The following ZNF519 variants were observed in gnomAD, a reference collection of about 807,000 sequenced individuals.
The protein encoded by ZNF519 is similar to Zinc finger protein 85 (Zinc finger protein HPF4) (HTF1).
A neutral mutation model predicts 7.4 loss-of-function variants in ZNF519; 7 were observed. The observed-to-expected ratio is 0.94, with a 90% confidence interval of 0.54 to 1.77. The LOEUF (loss-of-function observed/expected upper bound fraction) is 1.77. ZNF519 is among the 40% of genes most tolerant of loss of function. The probability of loss-of-function intolerance (pLI) is 0.00; values close to 1 mark genes in which losing one functional copy is unlikely to be tolerated. For missense variants in ZNF519, 586 were observed against 623.1 expected, an observed-to-expected ratio of 0.94 and a Z score of 0.63; for synonymous variants, 179 against 203.3, an observed-to-expected ratio of 0.88 and a Z score of 1.02.
chr18:14,085,882 C>T (rs1291283460), intron 2 of ZNF519, among the ~76,000 whole-genome samples: 2 of 152,212 alleles, frequency 1.3e-5, no homozygotes, highest in Non-Finnish European at 2.9e-5. Context: ...CATGTTCTGA[C>T]CTGCACCACC....
At chr18:14,073,917 C>T (rs191190111), downstream of ZNF519, 5 of 152,304 alleles carry the variant, frequency 3.3e-5, no homozygotes, top group Admixed American at 3.3e-4. Flanking sequence ...AGCTGTATTT[C>T]ACTCCCTCGA....
chr18:14,094,371 TTA>T (rs1363626946), intron 2 of ZNF519, among the ~76,000 whole-genome samples: 7 of 152,242 alleles, frequency 4.6e-5, no homozygotes, highest in African/African-American at 1.7e-4. Flanking sequence ...TCCAGATCTT[TTA>T]TAAAACCGGC....
chr18:14,087,961 G>A (rs1174556585), intron 2 of ZNF519, among the ~76,000 whole-genome samples: 9 of 152,048 alleles, frequency 5.9e-5, no homozygotes, highest in African/African-American at 1.9e-4. Flanking sequence ...AATTCTGTCT[G>A]GAAAACAAGG....
chr18:14,110,227 T>C (rs1208483226), intron 2 of ZNF519, among the ~76,000 whole-genome samples: 1 of 152,120 alleles, frequency 6.6e-6, no homozygotes, highest in Non-Finnish European at 1.5e-5. Context: ...ATCTAAGGCC[T>C]GAAAGCATAC....
intron 2 of ZNF519, among the ~76,000 whole-genome samples, chr18:14,115,173 C>T (rs959941359): frequency 2.6e-5 from 4 of 152,146 alleles, no homozygotes; most frequent in Non-Finnish European, 5.9e-5. Flanking sequence ...ATTACATGTG[C>T]CCAGCACAGC....
In ZNF519 at chr18:14,109,112, C is replaced by T. The variant is rs922413028; in HGVS notation, c.131-2703G>A. Among the ~76,000 whole-genome samples the T allele has an allele frequency of 1.3e-4, 19 of 148,220 alleles. No homozygotes were observed. The Middle Eastern group carries it at 0.01, about 80-fold the overall frequency. ...ACAAGAGCGAAACTCAGAGAAACTC[C>T]GTCTCAAAAAAAAAAAAAAAAAATA... On this transcript the variant is annotated intron_variant, in intron 2 of 2. Coordinates refer to ENST00000590202, the MANE Select transcript of ZNF519 (RefSeq NM_145287.4).
chr18:14,098,348 C>T (rs990039497), downstream of ZNF519, among the ~76,000 whole-genome samples: 3 of 151,916 alleles, frequency 2.0e-5, no homozygotes, highest in Non-Finnish European at 1.5e-5. Context: ...TTAGTAGAGA[C>T]GGGGTTTCAC....
At chr18:14,078,678 C>T (rs979456304) in intron 3 of ZNF519, among the ~76,000 whole-genome samples, 1 of 151,960 alleles carries the variant, frequency 6.6e-6, no homozygotes, top group African/African-American at 2.4e-5. Context: ...TATTAGAAAC[C>T]ATTGTGTTAG....
rs560740504 is a variant in ZNF519, at chr18:14,124,174, A to G, written c.130+176T>C. ...GGTAACAAGAGCGAAACTCTGTCTC[A>G]ATTAAAAAAAAAAAAAAAAGATTTT... On this transcript the variant is annotated intron_variant, in intron 2 of 2. Transcript: ENST00000590202. The G allele has an allele frequency of 2.7e-5, 14 of 527,752 alleles. No homozygotes were observed. The East Asian group carries it at 7.0e-4, about 26-fold the overall frequency. 32.7% of individuals were successfully genotyped at this position (527,752 alleles called of 1,614,324 possible).
At chr18:14,130,400 T>G (rs2046323518) in intron 1 of ZNF519, among the ~76,000 whole-genome samples, 2 of 152,120 alleles carry the variant, frequency 1.3e-5, no homozygotes, top group South Asian at 4.1e-4. Flanking sequence ...TCTTTCCAAC[T>G]TTTTTTAAAA....
chr18:14,113,860 ACT>A (rs61176435), intron 2 of ZNF519, among the ~76,000 whole-genome samples: 10,036 of 152,032 alleles, frequency 0.066, 622 homozygotes, highest in African/African-American at 0.15. Context: ...ATAACATCTC[ACT>A]GTCATTTTGA....
downstream of ZNF519, chr18:14,073,431 C>G (rs923822953): frequency 1.3e-5 from 2 of 152,112 alleles, no homozygotes; most frequent in African/African-American, 4.8e-5. Flanking sequence ...CCATCACGCC[C>G]AGCTAATGTT....
chr18:14,093,044 C>A (rs768465885), intron 2 of ZNF519, among the ~76,000 whole-genome samples: 3 of 152,190 alleles, frequency 2.0e-5, no homozygotes, highest in South Asian at 2.1e-4. Context: ...AATGGTGAAT[C>A]CTTCCTCTAT....
At chr18:14,078,705 T>C (rs534611103) in intron 3 of ZNF519, among the ~76,000 whole-genome samples, 1 of 152,094 alleles carries the variant, frequency 6.6e-6, no homozygotes, top group Admixed American at 6.5e-5. Flanking sequence ...AAACATTATA[T>C]TATTATCAAC....
At chr18:14,131,424 C>T (rs1202868334) in intron 1 of ZNF519, among the ~76,000 whole-genome samples, 2 of 152,076 alleles carry the variant, frequency 1.3e-5, no homozygotes, top group South Asian at 2.1e-4. Context: ...AGCAAGAAAC[C>T]GGAAATTTAA....
rs1013159226 is a variant in ZNF519 at position 14,105,979 on chromosome 18, T to C, written c.561A>G (p.Glu187=). The change falls in exon 3 of 3, where the codon GAA becomes GAG. Residue 187 remains glutamate (E), a synonymous_variant. Transcript: ENST00000590202. Reference sequence around the variant, plus strand: ...GCTTTGAGGATTGGTAAAATACTTTTTCACATTCATTACAATTGTAATAGT... The same window carrying C: ...GCTTTGAGGATTGGTAAAATACTTTCTCACATTCATTACAATTGTAATAGT... ...LENYYNCNEC[E]KVFYQSSKLI... 2.0e-5 allele frequency: 32 copies of C among 1,591,312 alleles called. No individual in the cohort carries two copies. The highest frequency in any genetic ancestry group is 2.7e-5 in the Non-Finnish European group (31 of 1,165,720).
downstream of ZNF519, among the ~76,000 whole-genome samples, chr18:14,095,357 C>T (rs551610863): frequency 1.1e-4 from 16 of 152,172 alleles, no homozygotes; most frequent in South Asian, 2.1e-4. Flanking sequence ...GTTGTGCCTA[C>T]TTTTCTTTCC....
At chr18:14,121,246 A>C (rs1567954024) in intron 2 of ZNF519, among the ~76,000 whole-genome samples, 1 of 152,106 alleles carries the variant, frequency 6.6e-6, no homozygotes, top group Non-Finnish European at 1.5e-5. Flanking sequence ...GAGAAATCTA[A>C]TGTACATTAG....
At chr18:14,130,480 G>A (rs1176790809) in intron 1 of ZNF519, among the ~76,000 whole-genome samples, 1 of 152,074 alleles carries the variant, frequency 6.6e-6, no homozygotes, top group Non-Finnish European at 1.5e-5. Context: ...AAATAAGTGA[G>A]CAAATCTATA....
Sources: gnomAD v4.1 joint callset for allele counts (sites outside exome capture counted in the v4.1 genomes callset) on GRCh38, gnomAD v4.1.1 for gene constraint, MANE v1.5 for transcripts, NCBI Gene and HGNC (gene_info 2026-07-23, HGNC 2026-07-21) for gene names.